The following DOK6 variants were observed in gnomAD, a reference collection of about 807,000 sequenced individuals.
The protein encoded by DOK6 is docking protein 6.
DOK6 carries 22 observed loss-of-function variants against 44.0 expected under a neutral mutation model. The observed-to-expected ratio is 0.50, with a 90% CI of 0.36 to 0.71. DOK6 has a LOEUF of 0.71. Ranked by LOEUF, DOK6 falls within the 30% of genes least tolerant of loss-of-function variation. The pLI is 0.00. For synonymous variants in DOK6, 166 were observed against 145.5 expected, an observed-to-expected ratio of 1.14 and a Z score of -1.01; for missense variants, 340 against 416.4, an observed-to-expected ratio of 0.82 and a Z score of 1.60.
In DOK6 at chr18:69,843,483, A is replaced by G. The variant is rs1477189563; in HGVS notation, c.*2100A>G. 1 of 152,228 alleles carries G rather than the reference A, an allele frequency of 6.6e-6. No individual in the cohort carries two copies. The highest frequency in any genetic ancestry group is 1.5e-5 in the Non-Finnish European group (1 of 68,044). 9.4% of individuals were successfully genotyped at this position (152,228 alleles called of 1,614,324 possible). A position where few individuals can be genotyped will look rare whatever the true frequency, so the allele number is the denominator to read the frequency against. ...TCAGTTGAGCTGTTGCTTAGACACC[A>G]CAAGTTTCTACAAGGGACTTATGGG... On this transcript the variant is annotated 3_prime_UTR_variant, in exon 8 of 8. Transcript: ENST00000382713.
chr18:69,707,773 G>C (rs865970706), intron 5 of DOK6, among the ~76,000 whole-genome samples: 49 of 152,310 alleles, frequency 3.2e-4, no homozygotes, highest in African/African-American at 1.2e-3. Context: ...TCCAGATTGT[G>C]CTGGGTGCAG....
intron 2 of DOK6, among the ~76,000 whole-genome samples, chr18:69,567,594 T>C (rs1274778096): frequency 6.6e-6 from 1 of 151,802 alleles, no homozygotes; most frequent in Non-Finnish European, 1.5e-5. Flanking sequence ...GTGATGAGAG[T>C]CAATGACAGG....
intron 7 of DOK6, among the ~76,000 whole-genome samples, chr18:69,760,544 G>A (rs1201046974): frequency 6.6e-6 from 1 of 152,136 alleles, no homozygotes; most frequent in African/African-American, 2.4e-5. Flanking sequence ...TTGGGAGAAA[G>A]CAAAGCAGGC....
At position 69,563,234 on chromosome 18, in the gene DOK6, T is replaced by A. The variant is rs1454170425; in HGVS notation, c.67-1253T>A. Among the ~76,000 whole-genome samples the A allele has an allele frequency of 3.9e-5, 6 of 152,282 alleles. No homozygotes were observed. In the East Asian group the frequency reaches 1.2e-3, roughly 29 times the overall value. Reference sequence around the variant, plus strand: ...TAAACTAGTTCAACCATTGTGGAAGTCAGTGTGGCGATTCCTCAGGGATCT... The same window carrying A: ...TAAACTAGTTCAACCATTGTGGAAGACAGTGTGGCGATTCCTCAGGGATCT... On this transcript the variant is annotated intron_variant, in intron 1 of 7. Coordinates refer to ENST00000382713, the MANE Select transcript of DOK6 (RefSeq NM_152721.6).
chr18:69,481,347 A>G (rs371131561), intron 1 of DOK6, among the ~76,000 whole-genome samples: 4 of 152,020 alleles, frequency 2.6e-5, no homozygotes, highest in Middle Eastern at 3.2e-3. Context: ...TACATTACAT[A>G]TATCTCCTAA....
At chr18:69,563,106 A>G (rs1308897485) in intron 1 of DOK6, among the ~76,000 whole-genome samples, 1 of 152,232 alleles carries the variant, frequency 6.6e-6, no homozygotes, top group Non-Finnish European at 1.5e-5. Flanking sequence ...ATGCGATACC[A>G]TCTCACACCA....
At chr18:69,806,844 C>T (rs1406354872) in intron 7 of DOK6, among the ~76,000 whole-genome samples, 2 of 152,022 alleles carry the variant, frequency 1.3e-5, no homozygotes, top group East Asian at 1.9e-4. Context: ...AATGTAAACA[C>T]GATCCAATCA....
At chr18:69,712,056 C>T (rs892415154) in intron 5 of DOK6, among the ~76,000 whole-genome samples, 2 of 151,094 alleles carry the variant, frequency 1.3e-5, no homozygotes, top group East Asian at 1.9e-4. Flanking sequence ...CCGAGGCGGG[C>T]GGATCACGAG....
rs376058786 is a variant in DOK6, at chr18:69,444,612, T to C, written c.66+43302T>C. Among the ~76,000 whole-genome samples, 3 of 151,596 alleles carry C rather than the reference T, an allele frequency of 2.0e-5. No homozygotes were observed. In the East Asian group the frequency reaches 5.8e-4, roughly 29 times the overall value. ...TATTTTTAATTTATATAAGTTATTA[T>C]TGAGGCAAAGTTAACATAATATAAA... On this transcript the variant is annotated intron_variant, in intron 1 of 7. Transcript: ENST00000382713.
intron 3 of DOK6, among the ~76,000 whole-genome samples, chr18:69,610,229 T>C (rs958589826): frequency 6.6e-6 from 1 of 152,110 alleles, no homozygotes; most frequent in African/African-American, 2.4e-5. Context: ...CCCATGAAAA[T>C]GTAGGTAAAA....
rs1029839255 is a variant in DOK6, at chr18:69,848,334, C to T, written c.*6951C>T. 2 of 152,070 alleles carry T rather than the reference C, an allele frequency of 1.3e-5. No homozygotes were observed. The highest frequency in any genetic ancestry group is 4.8e-5 in the African/African-American group (2 of 41,400). 9.4% of individuals were successfully genotyped at this position (152,070 alleles called of 1,614,324 possible). ...CATTTTGATAAGAAATAACTTTGGACATTAGGCCCTTGTTAAGAAATAAAA... is the reference window on the plus strand; with the variant it reads ...CATTTTGATAAGAAATAACTTTGGATATTAGGCCCTTGTTAAGAAATAAAA... On this transcript the variant is annotated 3_prime_UTR_variant, in exon 8 of 8. Transcript: ENST00000382713.
chr18:69,700,033 A>G (rs1986477838), intron 5 of DOK6, among the ~76,000 whole-genome samples: 1 of 151,884 alleles, frequency 6.6e-6, no homozygotes, highest in African/African-American at 2.4e-5. Context: ...CCTTATCAAA[A>G]CATCAGATCT....
At chr18:69,693,486 T>C (rs931806003) in intron 4 of DOK6, among the ~76,000 whole-genome samples, 1 of 152,198 alleles carries the variant, frequency 6.6e-6, no homozygotes, top group African/African-American at 2.4e-5. Context: ...TCTTTTTATA[T>C]ATATATTTCT....
chr18:69,583,923 A>G (rs1308819500), intron 2 of DOK6, among the ~76,000 whole-genome samples: 1 of 152,092 alleles, frequency 6.6e-6, no homozygotes, highest in African/African-American at 2.4e-5. Context: ...CCTGGCTAAC[A>G]CGGTGAAACC....
At chr18:69,526,257 C>A (rs1242772002) in intron 1 of DOK6, among the ~76,000 whole-genome samples, 1 of 152,040 alleles carries the variant, frequency 6.6e-6, no homozygotes, top group Non-Finnish European at 1.5e-5. Flanking sequence ...GCTCCCCTAA[C>A]CCTAGGCAAC....
intron 3 of DOK6, among the ~76,000 whole-genome samples, chr18:69,611,679 T>C (rs1158131039): frequency 2.0e-5 from 3 of 152,178 alleles, no homozygotes; most frequent in African/African-American, 7.2e-5. Context: ...GCAGCCTGGA[T>C]GAATCTTGAA....
At position 69,757,739 on chromosome 18, in the gene DOK6, A is replaced by T. The variant is rs771494187; in HGVS notation, c.739-17A>T. The stretch of plus-strand genomic sequence containing the variant: ...TATTTTAAAACGAGGCCTAAAACAC[A>T]TTCTTTTCTCTTTTAGCTTCAGACA... On this transcript the variant is annotated splice_polypyrimidine_tract_variant and intron_variant, in intron 6 of 7. Coordinates refer to ENST00000382713, the MANE Select transcript of DOK6 (RefSeq NM_152721.6). The T allele has an allele frequency of 5.3e-5, 86 of 1,608,694 alleles. No homozygotes were observed. Among genetic ancestry groups the T allele is most frequent in the Middle Eastern group, 3.3e-4 (2 of 6,070 alleles).
chr18:69,434,954 G>GGGAAGGAAGGAAGGAAGGAA (rs1167985373), intron 1 of DOK6, among the ~76,000 whole-genome samples: 14 of 62,976 alleles, frequency 2.2e-4, no homozygotes, highest in South Asian at 1.0e-3. Context: ...GAGGGAGGGA[G>GGGAAGGAAGGAAGGAAGGAA]GGAAGGAAGG....
In DOK6 at chr18:69,847,586, A is replaced by C. The variant is rs1982372685; in HGVS notation, c.*6203A>C. On this transcript the variant is annotated 3_prime_UTR_variant, in exon 8 of 8. Coordinates refer to ENST00000382713, the MANE Select transcript of DOK6 (RefSeq NM_152721.6). ...ATGGTTGAGAAAGTAGTTCCAGATCATTAACTATTTTACAGAGGGACTGAA... is the reference window on the plus strand; with the variant it reads ...ATGGTTGAGAAAGTAGTTCCAGATCCTTAACTATTTTACAGAGGGACTGAA... 6.6e-6 allele frequency: 1 copy of C among 152,192 alleles called. No homozygotes were observed. Among genetic ancestry groups the C allele is most frequent in the African/African-American group, 2.4e-5 (1 of 41,444 alleles). The allele number at this position is 152,192 out of a possible 1,614,324, so 9.4% of individuals were successfully genotyped here.
Sources: allele counts gnomAD v4.1 joint callset (sites outside exome capture counted in the v4.1 genomes callset), GRCh38; gene constraint gnomAD v4.1.1; transcripts MANE v1.5; gene names NCBI Gene and HGNC (gene_info 2026-07-23, HGNC 2026-07-21).